Variants in TMEM132C observed in about 807,000 individuals in gnomAD.
TMEM132C encodes the protein protein phosphatase 1, regulatory subunit 152.
Under a neutral mutation model 61.4 loss-of-function variants are expected in TMEM132C, and 29 were observed. The observed-to-expected ratio is 0.47, with a 90% CI of 0.35 to 0.64. TMEM132C has a LOEUF of 0.64. Ranked by LOEUF, TMEM132C falls within the 30% of genes least tolerant of loss-of-function variation. TMEM132C has a pLI of 0.00. For missense variants in TMEM132C, 1,408 were observed against 1,476.9 expected, an observed-to-expected ratio of 0.95 and a Z score of 0.76; for synonymous variants, 656 against 633.1, an observed-to-expected ratio of 1.04 and a Z score of -0.54.
chr12:128,572,282 A>G (rs939161450), intron 3 of TMEM132C, among the ~76,000 whole-genome samples: 2 of 146,060 alleles, frequency 1.4e-5, no homozygotes, highest in African/African-American at 5.4e-5. Context: ...CCTGGGTCAC[A>G]TGCGTACTGT....
chr12:128,396,268 C>A (rs1299952705), intron 1 of TMEM132C, among the ~76,000 whole-genome samples: 1 of 152,120 alleles, frequency 6.6e-6, no homozygotes, highest in African/African-American at 2.4e-5. Context: ...ACATGTAGTT[C>A]TCCTTTCCAA....
chr12:128,625,753 T>C (rs1954009384), intron 4 of TMEM132C, among the ~76,000 whole-genome samples: 1 of 152,162 alleles, frequency 6.6e-6, no homozygotes, highest in Admixed American at 6.5e-5. Flanking sequence ...GAGATTTGGG[T>C]GGGGACACAG....
At chr12:128,327,072 T>C (rs2135941149) in intron 1 of TMEM132C, among the ~76,000 whole-genome samples, 1 of 150,210 alleles carries the variant, frequency 6.7e-6, no homozygotes, top group African/African-American at 2.5e-5. Context: ...CAGTGTCATA[T>C]CACACCATTT....
intron 6 of TMEM132C, among the ~76,000 whole-genome samples, chr12:128,694,525 A>G (rs779019036): frequency 6.6e-6 from 1 of 152,162 alleles, no homozygotes; most frequent in Non-Finnish European, 1.5e-5. Flanking sequence ...TGTCACATGC[A>G]AGAGTATGGG....
chr12:128,271,269 TA>T (rs1566037262), intron 1 of TMEM132C, among the ~76,000 whole-genome samples: 1 of 15,786 alleles, frequency 6.3e-5, no homozygotes, highest in Non-Finnish European at 1.3e-4. Flanking sequence ...AATAATAATA[TA>T]ATAATAATAA....
intron 2 of TMEM132C, among the ~76,000 whole-genome samples, chr12:128,536,707 A>G (rs1019731250): frequency 1.3e-5 from 2 of 152,024 alleles, no homozygotes; most frequent in Non-Finnish European, 2.9e-5. Flanking sequence ...AACTATTCAC[A>G]AGAATGTATC....
chr12:128,296,745 G>A lies in TMEM132C; in HGVS notation c.85+29258G>A, dbSNP rs146126659. Among the ~76,000 whole-genome samples, 516 of 152,310 alleles carry A rather than the reference G, an allele frequency of 3.4e-3. 3 individuals carry two copies. Among genetic ancestry groups the A allele is most frequent in the Middle Eastern group, 6.8e-3 (2 of 294 alleles). On this transcript the variant is annotated intron_variant, in intron 1 of 8. Coordinates refer to ENST00000435159, the MANE Select transcript of TMEM132C (RefSeq NM_001136103.3). ...ATGAGGAAGAAGATGGGGCAATAAA[G>A]TCAAGAGTAGGCAAGAAATTCATGT...
chr12:128,359,144 C>A (rs1873613152), intron 1 of TMEM132C, among the ~76,000 whole-genome samples: 1 of 152,204 alleles, frequency 6.6e-6, no homozygotes, highest in African/African-American at 2.4e-5. Flanking sequence ...CTACTACTCG[C>A]TTTGTCATTG....
intron 3 of TMEM132C, among the ~76,000 whole-genome samples, chr12:128,603,890 A>G (rs1374434884): frequency 6.6e-6 from 1 of 152,218 alleles, no homozygotes; most frequent in Non-Finnish European, 1.5e-5. Flanking sequence ...CTATGTCCTT[A>G]AGGAAAGGAC....
At chr12:128,399,052 G>T (rs1186650226) in intron 1 of TMEM132C, among the ~76,000 whole-genome samples, 1 of 152,172 alleles carries the variant, frequency 6.6e-6, no homozygotes, top group East Asian at 1.9e-4. Flanking sequence ...CATCAGGAAA[G>T]CATTTTCTAC....
chr12:128,492,010 C>T (rs910828884), intron 2 of TMEM132C, among the ~76,000 whole-genome samples: 2 of 152,094 alleles, frequency 1.3e-5, no homozygotes, highest in African/African-American at 4.8e-5. Flanking sequence ...CTCCCTGCAC[C>T]CCACGACAGG....
At chr12:128,443,519 T>A (rs993507209) in intron 2 of TMEM132C, among the ~76,000 whole-genome samples, 1 of 152,258 alleles carries the variant, frequency 6.6e-6, no homozygotes, top group African/African-American at 2.4e-5. Flanking sequence ...CTAATTTTTC[T>A]ATAGTTTTAT....
chr12:128,383,081 T>C (rs1874461061), intron 1 of TMEM132C, among the ~76,000 whole-genome samples: 1 of 151,130 alleles, frequency 6.6e-6, no homozygotes, highest in Non-Finnish European at 1.5e-5. Context: ...TGAGTCTGTA[T>C]GCATGTGCAT....
At chr12:128,408,301 A>C (rs945525547) in intron 1 of TMEM132C, among the ~76,000 whole-genome samples, 9 of 152,188 alleles carry the variant, frequency 5.9e-5, no homozygotes, top group African/African-American at 2.2e-4. Context: ...TCCAGTTAAG[A>C]AAAGGAGAGA....
At chr12:128,338,016 T>C (rs1872835262) in intron 1 of TMEM132C, among the ~76,000 whole-genome samples, 1 of 151,800 alleles carries the variant, frequency 6.6e-6, no homozygotes. Context: ...AAAGCCTACA[T>C]ATCCCCAACT....
intron 4 of TMEM132C, among the ~76,000 whole-genome samples, chr12:128,625,353 T>C (rs1199707673): frequency 6.6e-6 from 1 of 152,218 alleles, no homozygotes; most frequent in African/African-American, 2.4e-5. Context: ...CTTCTCACTG[T>C]GTCCCCACGT....
intron 1 of TMEM132C, among the ~76,000 whole-genome samples, chr12:128,366,653 C>G (rs1225422790): frequency 6.6e-6 from 1 of 152,190 alleles, no homozygotes; most frequent in Non-Finnish European, 1.5e-5. Context: ...GTGGGAGAAC[C>G]CTTTTGGTGC....
At chr12:128,515,951 G>A (rs1446486000) in intron 2 of TMEM132C, among the ~76,000 whole-genome samples, 1 of 152,180 alleles carries the variant, frequency 6.6e-6, no homozygotes, top group Admixed American at 6.5e-5. Context: ...CAGGATTATA[G>A]GATGATACAC....
At chr12:128,476,803 T>C (rs967779670) in intron 2 of TMEM132C, among the ~76,000 whole-genome samples, 2 of 151,514 alleles carry the variant, frequency 1.3e-5, no homozygotes, top group African/African-American at 4.9e-5. Context: ...GATAAATGTA[T>C]TGCACAGCTA....
Sources: gnomAD v4.1 joint callset for allele counts (sites outside exome capture counted in the v4.1 genomes callset) on GRCh38, gnomAD v4.1.1 for gene constraint, MANE v1.5 for transcripts, NCBI Gene and HGNC (gene_info 2026-07-23, HGNC 2026-07-21) for gene names.